The following ASXL3 variants were observed in gnomAD, a reference collection of about 807,000 sequenced individuals.
ASXL3 encodes the protein ASXL transcriptional regulator 3, also known as putative Polycomb group protein ASXL3.
In ASXL3, 34 loss-of-function variants were observed where a neutral mutation model predicts 170.6. The ratio of observed to expected loss-of-function variants is 0.20; its 90% CI spans 0.15 to 0.27. The LOEUF (loss-of-function observed/expected upper bound fraction) is 0.27, where lower values mean the gene tolerates loss of function less well. Among genes scored for constraint, ASXL3 ranks in the 10% least tolerant of loss-of-function variants. The pLI is 1.00. For missense variants in ASXL3, 2,592 were observed against 2,695.3 expected (o/e 0.96, Z 0.85); for synonymous variants, 1,002 against 989.1 (o/e 1.01, Z -0.24).
chr18:33,651,252 A>G (rs545904626), intron 4 of ASXL3, among the ~76,000 whole-genome samples: 1 of 152,298 alleles, frequency 6.6e-6, no homozygotes, highest in Non-Finnish European at 1.5e-5. Flanking sequence ...AGATTTCAGG[A>G]AACTGAACTG....
intron 3 of ASXL3, 121 bp from the exon 4 acceptor site, chr18:33,646,124 T>A: frequency 1.5e-6 from 1 of 655,110 alleles, no homozygotes; most frequent in South Asian, 2.3e-5. Flanking sequence ...AAAAAGTAAA[T>A]CATTATTGAA....
At chr18:33,594,654 G>A (rs898843139) in intron 1 of ASXL3, among the ~76,000 whole-genome samples, 1 of 152,100 alleles carries the variant, frequency 6.6e-6, no homozygotes, top group Non-Finnish European at 1.5e-5. Context: ...AAACTGGGGA[G>A]GGTTGGAAAA....
At chr18:33,631,813 T>A (rs1248657835) in intron 2 of ASXL3, among the ~76,000 whole-genome samples, 2 of 152,106 alleles carry the variant, frequency 1.3e-5, no homozygotes, top group African/African-American at 4.8e-5. Flanking sequence ...TTCGAATATA[T>A]AGCCAGGTTG....
intron 8 of ASXL3, among the ~76,000 whole-genome samples, chr18:33,704,525 TG>T (rs1378736728): frequency 2.0e-5 from 3 of 152,080 alleles, no homozygotes; most frequent in African/African-American, 7.2e-5. Flanking sequence ...CCCATTTCTT[TG>T]ACAGCCATTG....
At chr18:33,645,071 C>T in intron 3 of ASXL3, 69 bp downstream of exon 3, 2 of 1,031,250 alleles carry the variant, frequency 1.9e-6, no homozygotes, top group Non-Finnish European at 2.8e-6. Context: ...TGAAGGTAAA[C>T]AAAATTAGAT....
At chr18:33,588,663 A>G (rs1017683743) in intron 1 of ASXL3, among the ~76,000 whole-genome samples, 2 of 152,154 alleles carry the variant, frequency 1.3e-5, no homozygotes, top group African/African-American at 2.4e-5. Flanking sequence ...AGGAGAATCA[A>G]ATTGGCAGAC....
chr18:33,678,701 T>C (rs149753037), intron 7 of ASXL3, among the ~76,000 whole-genome samples: 2 of 152,322 alleles, frequency 1.3e-5, no homozygotes, highest in African/African-American at 4.8e-5. Context: ...AATGACTACA[T>C]CTTTTTTCCT....
rs575106155 is a variant in ASXL3, at chr18:33,641,001, A to G, written c.138-3893A>G. 5.3e-5 allele frequency among the ~76,000 whole-genome samples: 8 copies of G among 152,164 alleles called. No homozygotes were observed. The East Asian group carries it at 1.5e-3, about 29-fold the overall frequency. On this transcript the variant is annotated intron_variant, in intron 2 of 11. Coordinates refer to ENST00000269197, the MANE Select transcript of ASXL3 (RefSeq NM_030632.3). ...AATAAAATAGTTTAATATATGTATT[A>G]CTGAAATATTATAAATCATTATGTT...
At chr18:33,590,276 C>T (rs1308550765) in intron 1 of ASXL3, among the ~76,000 whole-genome samples, 1 of 151,884 alleles carries the variant, frequency 6.6e-6, no homozygotes, top group African/African-American at 2.4e-5. Flanking sequence ...TTTCCCCTCC[C>T]CAGGCCATAT....
intron 1 of ASXL3, among the ~76,000 whole-genome samples, chr18:33,606,305 T>A (rs1393099247): frequency 1.3e-5 from 2 of 151,958 alleles, no homozygotes; most frequent in African/African-American, 2.4e-5. Flanking sequence ...GTAGTGTGGC[T>A]CATATTTCTG....
intron 8 of ASXL3, among the ~76,000 whole-genome samples, chr18:33,703,226 C>T (rs986062610): frequency 2.6e-5 from 4 of 152,132 alleles, no homozygotes; most frequent in African/African-American, 9.7e-5. Context: ...CTTCCCTATA[C>T]CTGTACTCTA....
intron 1 of ASXL3, among the ~76,000 whole-genome samples, chr18:33,579,549 G>T (rs1305167780): frequency 6.6e-6 from 1 of 152,206 alleles, no homozygotes. Context: ...ATGCCGGTTG[G>T]CAGAGGGGCG....
intron 8 of ASXL3, among the ~76,000 whole-genome samples, chr18:33,719,035 G>T (rs753769206): frequency 1.3e-5 from 2 of 151,968 alleles, no homozygotes; most frequent in Non-Finnish European, 2.9e-5. Flanking sequence ...AAAACTCTAG[G>T]AAGTAGTTTG....
Position 33,671,859 on chromosome 18 carries a change from T to G in ASXL3, c.708T>G (p.Ser236=). 6.2e-7 allele frequency: 1 copy of G among 1,603,608 alleles called. No individual in the cohort carries two copies. The highest frequency in any genetic ancestry group is 8.5e-7 in the Non-Finnish European group (1 of 1,175,444). ...TSQHLKRLKK[S]GLGHLKWTKA... ...AGCACTTAAAACGATTAAAAAAGTC[T>G]GGTTTAGGTGAGTGTTTAATAGACT... The change falls in exon 7 of 12, where the codon TCT becomes TCG. Residue 236 remains serine (S), a synonymous_variant. Coordinates refer to ENST00000269197, the MANE Select transcript of ASXL3 (RefSeq NM_030632.3).
chr18:33,578,541 CGGGTCACT>C lies in ASXL3; in HGVS notation c.-84_-77del. 1 of 762,038 alleles carries C rather than the reference CGGGTCACT, an allele frequency of 1.3e-6. No individual in the cohort carries two copies. The highest frequency in any genetic ancestry group is 4.5e-5 in the Admixed American group (1 of 22,374). The allele number at this position is 762,038 out of a possible 1,614,324, so 47.2% of individuals were successfully genotyped here. A position where few individuals can be genotyped will look rare whatever the true frequency, so the allele number is the denominator to read the frequency against. On this transcript the variant is annotated 5_prime_UTR_variant, in exon 1 of 12. Transcript: ENST00000269197. ...CCCCCGCGGAGCGAGTGCGGGTCAC[CGGGTCACT>C]GGGTCATTGTCTCCGCGCCCGAACC...
At chr18:33,681,195 A>T (rs906282865) in intron 7 of ASXL3, among the ~76,000 whole-genome samples, 3 of 151,922 alleles carry the variant, frequency 2.0e-5, no homozygotes, top group Admixed American at 1.3e-4. Flanking sequence ...TTTTATTTCC[A>T]CTTTGTTTGA....
At chr18:33,641,693 C>T (rs1174797785) in intron 2 of ASXL3, 1 of 152,218 alleles carries the variant, frequency 6.6e-6, no homozygotes, top group Admixed American at 6.6e-5. Flanking sequence ...TGTGCATTGT[C>T]CTATTTGTTG....
chr18:33,642,897 ATTG>A (rs1338410681), intron 2 of ASXL3, among the ~76,000 whole-genome samples: 3 of 151,874 alleles, frequency 2.0e-5, no homozygotes, highest in African/African-American at 4.8e-5. Context: ...TTAAATCTGT[ATTG>A]TTATTTAACG....
chr18:33,685,586 A>T (rs968610723), intron 8 of ASXL3, among the ~76,000 whole-genome samples: 1 of 152,198 alleles, frequency 6.6e-6, no homozygotes, highest in Non-Finnish European at 1.5e-5. Flanking sequence ...GTCCATTTGC[A>T]TTGCTATAAA....
Sources: gnomAD v4.1 joint callset for allele counts (sites outside exome capture counted in the v4.1 genomes callset) on GRCh38, gnomAD v4.1.1 for gene constraint, MANE v1.5 for transcripts, NCBI Gene and HGNC (gene_info 2026-07-23, HGNC 2026-07-21) for gene names.